IBSP: variants seen among roughly 807,000 people sequenced by gnomAD.
IBSP encodes the protein integrin binding sialoprotein.
In IBSP, 19 loss-of-function variants were observed where a neutral mutation model predicts 25.5. The observed-to-expected ratio is 0.74, with a 90% CI of 0.52 to 1.09. The LOEUF is 1.09. Ranked by LOEUF, IBSP falls within the 50% of genes least tolerant of loss-of-function variation. IBSP has a pLI of 0.00. For synonymous variants in IBSP, 144 were observed against 137.6 expected (o/e 1.05, Z -0.33); for missense variants, 360 against 382.3 (o/e 0.94, Z 0.49).
At chr4:87,802,814 A>C in intron 4 of IBSP, 83 bp downstream of exon 4, 1 of 846,740 alleles carries the variant, frequency 1.2e-6, no homozygotes, top group Non-Finnish European at 1.7e-6. Flanking sequence ...AAACACCTAA[A>C]TTCAACTCTC....
chr4:87,811,438 A>C lies in IBSP; in HGVS notation c.482A>C (p.Glu161Ala). The change falls in exon 7 of 7, where the codon GAA becomes GCA. Residue 161 changes from glutamate (E) to alanine (A), a missense_variant. Physicochemically the swap from Glu to Ala is moderately radical, Grantham distance 107. Transcript: ENST00000226284. ...GAAGAGGAGGAAGAGGAAGGAAATG[A>C]AAACGAAGAAAGCGAAGCAGAAGTG... ...EEEEEEEEGN[E>A]NEESEAEVDE... 1 of 1,613,904 alleles carries C rather than the reference A, an allele frequency of 6.2e-7. No homozygotes were observed. Among genetic ancestry groups the C allele is most frequent in the Non-Finnish European group, 8.5e-7 (1 of 1,179,874 alleles).
chr4:87,807,026 C>CA (rs925463126), intron 5 of IBSP, among the ~76,000 whole-genome samples: 15 of 151,198 alleles, frequency 9.9e-5, no homozygotes, highest in South Asian at 2.1e-4. Flanking sequence ...ACAAAAACAA[C>CA]AAAAAAAAAT....
chr4:87,807,257 A>T (rs1309592501), intron 5 of IBSP, among the ~76,000 whole-genome samples: 1 of 152,182 alleles, frequency 6.6e-6, no homozygotes, highest in Non-Finnish European at 1.5e-5. Context: ...AACCTTTTAA[A>T]TTCAGCTTTT....
At chr4:87,805,744 A>C (rs1449327435) in intron 4 of IBSP, among the ~76,000 whole-genome samples, 1 of 152,206 alleles carries the variant, frequency 6.6e-6, no homozygotes, top group African/African-American at 2.4e-5. Context: ...ATAAAATTTA[A>C]AAATTGGACC....
intron 5 of IBSP, 22 bp downstream of exon 5, chr4:87,806,206 T>A (rs991505664): frequency 1.3e-6 from 2 of 1,593,832 alleles, no homozygotes; most frequent in African/African-American, 2.7e-5. Flanking sequence ...TGCAATCTTT[T>A]CGTAATAAAG....
chr4:87,806,796 G>A (rs1049542129), intron 5 of IBSP, among the ~76,000 whole-genome samples: 107 of 152,244 alleles, frequency 7.0e-4, no homozygotes, highest in African/African-American at 2.5e-3. Flanking sequence ...CTTGAGGTCA[G>A]GAGTTTGAGA....
Position 87,811,813 on chromosome 4 carries a change from G to T in IBSP, c.857G>T (p.Arg286Leu), listed in dbSNP as rs199759582. 9.3e-6 allele frequency: 15 copies of T among 1,611,922 alleles called. No homozygotes were observed. The East Asian group carries it at 2.5e-4, about 26-fold the overall frequency. The part of the protein sequence containing the change: ...EIYESENGEP[R>L]GDNYRAYEDE... Reference sequence around the variant, plus strand: ...TATGAAAGTGAGAACGGGGAACCTCGTGGGGACAATTACCGAGCCTATGAA... The same window carrying T: ...TATGAAAGTGAGAACGGGGAACCTCTTGGGGACAATTACCGAGCCTATGAA... The change falls in exon 7 of 7, where the codon CGT becomes CTT. Residue 286 changes from arginine (R) to leucine (L), a missense_variant. Coordinates refer to ENST00000226284, the MANE Select transcript of IBSP (RefSeq NM_004967.4).
Position 87,811,595 on chromosome 4 carries a change from C to A in IBSP, c.639C>A (p.Asp213Glu), listed in dbSNP as rs1211980173. ...EESVTGANAE[D>E]TTETGRQGKG... ...GTGTCACTGGAGCCAATGCAGAAGA[C>A]ACCACAGAGACCGGAAGGCAGGGCA... The change falls in exon 7 of 7, where the codon GAC becomes GAA. Residue 213 changes from aspartate to glutamate, a missense_variant. Coordinates refer to ENST00000226284, the MANE Select transcript of IBSP (RefSeq NM_004967.4). The A allele has an allele frequency of 1.3e-5, 21 of 1,613,592 alleles. No individual in the cohort carries two copies. Among genetic ancestry groups the A allele is most frequent in the Non-Finnish European group, 1.8e-5 (21 of 1,179,876 alleles).
chr4:87,803,060 T>A (rs943041760), intron 4 of IBSP, among the ~76,000 whole-genome samples: 6 of 152,178 alleles, frequency 3.9e-5, no homozygotes, highest in Non-Finnish European at 8.8e-5. Flanking sequence ...ACCAATTCCA[T>A]CAGTGATAAG....
Position 87,811,793 on chromosome 4 carries a change from A to C in IBSP, c.837A>C (p.Glu279Asp), listed in dbSNP as rs540807111. The change falls in exon 7 of 7, where the codon GAA becomes GAC. Residue 279 changes from glutamate (E) to aspartate (D), a missense_variant. By Grantham distance (45) the Glu-to-Asp change is conservative. Transcript: ENST00000226284. Reference protein sequence around the residue: ...NEYDNGYEIYESENGEPRGDN... With the variant: ...NEYDNGYEIYDSENGEPRGDN... ...ACGACAATGGATATGAAATCTATGA[A>C]AGTGAGAACGGGGAACCTCGTGGGG... 6 of 1,613,552 alleles carry C rather than the reference A, an allele frequency of 3.7e-6. No individual in the cohort carries two copies. In the Admixed American group the frequency reaches 1.0e-4, roughly 27 times the overall value.
At chr4:87,809,298 G>C (rs1053751453) in intron 5 of IBSP, among the ~76,000 whole-genome samples, 2 of 152,188 alleles carry the variant, frequency 1.3e-5, no homozygotes, top group African/African-American at 4.8e-5. Context: ...AAAGGTGTAA[G>C]AGAAAATATA....
intron 5 of IBSP, among the ~76,000 whole-genome samples, chr4:87,807,878 A>G (rs547005344): frequency 1.3e-5 from 2 of 152,332 alleles, no homozygotes; most frequent in Non-Finnish European, 2.9e-5. Context: ...AATTTCTTAT[A>G]CATATATGGT....
At chr4:87,802,289 A>G in intron 1 of IBSP, 59 bp from the exon 2 acceptor site, 1 of 1,062,782 alleles carries the variant, frequency 9.4e-7, no homozygotes, top group South Asian at 1.4e-5. Flanking sequence ...GAATATGAGT[A>G]AAAAAGTTAT....
At chr4:87,803,350 G>A (rs973835622) in intron 4 of IBSP, among the ~76,000 whole-genome samples, 1 of 151,898 alleles carries the variant, frequency 6.6e-6, no homozygotes, top group African/African-American at 2.4e-5. Context: ...AAAAGCTTGT[G>A]AGAAAAACAA....
At position 87,810,619 on chromosome 4, in the gene IBSP, A is replaced by G; in HGVS notation, c.260A>G (p.Glu87Gly). Residue 87 changes from glutamate to glycine, a missense_variant, in exon 6 of 7, where the codon GAA (glutamate) becomes GGA (glycine). Transcript: ENST00000226284. ...TATTTTTAACAGGAGACTTCAAATG[A>G]AGGAGAAAACAATGAAGAATCGAAT... ...EEEEEEETSNEGENNEESNED... is the reference protein window; with the variant it reads ...EEEEEEETSNGGENNEESNED... The G allele has an allele frequency of 1.2e-6, 2 of 1,611,530 alleles. No homozygotes were observed. Among genetic ancestry groups the G allele is most frequent in the Non-Finnish European group, 8.5e-7 (1 of 1,177,876 alleles).
intron 1 of IBSP, among the ~76,000 whole-genome samples, chr4:87,800,945 C>T (rs1722004575): frequency 6.6e-6 from 1 of 152,120 alleles, no homozygotes; most frequent in Admixed American, 6.6e-5. Flanking sequence ...AAGGTGCTAA[C>T]AGTTAAATGT....
chr4:87,802,052 T>C (rs1276687722), intron 1 of IBSP, among the ~76,000 whole-genome samples: 1 of 152,196 alleles, frequency 6.6e-6, no homozygotes, highest in South Asian at 2.1e-4. Flanking sequence ...TGAAGTACCC[T>C]AAGTAGTCAA....
chr4:87,811,676 A>T lies in IBSP; in HGVS notation c.720A>T (p.Pro240=), dbSNP rs753816672. 1 of 1,613,924 alleles carries T rather than the reference A, an allele frequency of 6.2e-7. No homozygotes were observed. The highest frequency in any genetic ancestry group is 8.5e-7 in the Non-Finnish European group (1 of 1,179,980). Residue 240 remains proline (P), a synonymous_variant, in exon 7 of 7, where the codon CCA becomes CCT. Coordinates refer to ENST00000226284, the MANE Select transcript of IBSP (RefSeq NM_004967.4). ...SPNGGFEPTT[P]PQVYRTTSPP... is the part of the protein sequence containing the mutation. ...ATGGTGGGTTTGAACCTACAACCCC[A>T]CCACAAGTCTATAGAACCACTTCCC...
intron 1 of IBSP, among the ~76,000 whole-genome samples, chr4:87,800,195 G>A (rs1438402587): frequency 3.3e-5 from 5 of 152,124 alleles, no homozygotes; most frequent in African/African-American, 9.7e-5. Context: ...CTTTAAGAAT[G>A]TTTGAATTGT....
Sources: allele counts gnomAD v4.1 joint callset (sites outside exome capture counted in the v4.1 genomes callset), GRCh38; gene constraint gnomAD v4.1.1; transcripts MANE v1.5; gene names NCBI Gene and HGNC (gene_info 2026-07-23, HGNC 2026-07-21).